Variants in ITPR1 observed in about 807,000 individuals in gnomAD.
ITPR1 encodes inositol 1,4,5-trisphosphate receptor type 1.
A neutral mutation model predicts 318.4 loss-of-function variants in ITPR1; 96 were observed. The ratio of observed to expected loss-of-function variants is 0.30; its 90% CI spans 0.26 to 0.36. The LOEUF (loss-of-function observed/expected upper bound fraction) is 0.36. Among genes scored for constraint, ITPR1 ranks in the 10% least tolerant of loss-of-function variants. The probability of loss-of-function intolerance (pLI) is 1.00; values close to 1 mark genes in which losing one functional copy is unlikely to be tolerated. For missense variants in ITPR1, 2,440 were observed against 3,460.2 expected (o/e 0.71, Z 7.40); for synonymous variants, 1,312 against 1,289.9 (o/e 1.02, Z -0.37).
At chr3:4,662,961 G>A in intron 15 of ITPR1, 104 bp from the exon 16 acceptor site, 1 of 921,970 alleles carries the variant, frequency 1.1e-6, no homozygotes. Flanking sequence ...GTGTGGGTCT[G>A]CCCCTGTTTA....
rs897244116 is a variant in ITPR1 at position 4,811,192 on chromosome 3, A to T, written c.7273-73A>T. ...AAGAGGGCAAACTCTCTATAAACCA[A>T]GTTTGCATTATGGGATAGTGATGTA... On this transcript the variant is annotated intron_variant, in intron 55 of 61. Transcript: ENST00000649015. 7.2e-6 allele frequency: 8 copies of T among 1,111,102 alleles called. No individual in the cohort carries two copies. The African/African-American group carries it at 1.3e-4, about 18-fold the overall frequency. 68.8% of individuals were successfully genotyped at this position (1,111,102 alleles called of 1,614,324 possible). A position where few individuals can be genotyped will look rare whatever the true frequency, so the allele number is the denominator to read the frequency against.
intron 40 of ITPR1, among the ~76,000 whole-genome samples, chr3:4,722,273 T>C (rs1319038494): frequency 2.6e-5 from 4 of 152,188 alleles, no homozygotes; most frequent in Non-Finnish European, 4.4e-5. Context: ...GGTTTCTCAG[T>C]TCAAAACCAG....
At chr3:4,807,594 A>T (rs1461072726) in intron 55 of ITPR1, among the ~76,000 whole-genome samples, 19 of 152,164 alleles carry the variant, frequency 1.2e-4, no homozygotes. Flanking sequence ...CCCCCGTCCA[A>T]AACACCATAA....
At position 4,652,224 on chromosome 3, in the gene ITPR1, T is replaced by A; in HGVS notation, c.951+6T>A. On this transcript the variant is annotated splice_donor_region_variant and intron_variant, in intron 11 of 61. Coordinates refer to ENST00000649015, the MANE Select transcript of ITPR1 (RefSeq NM_001378452.1). Reference sequence around the variant, plus strand: ...GGCATTACTTGGCAGCAGAGGTAAGTAGCAGCTCCTGTGGTTTTCTCTTTC... The same window carrying A: ...GGCATTACTTGGCAGCAGAGGTAAGAAGCAGCTCCTGTGGTTTTCTCTTTC... 1 of 1,602,440 alleles carries A rather than the reference T, an allele frequency of 6.2e-7. No individual in the cohort carries two copies. The highest frequency in any genetic ancestry group is 1.1e-5 in the South Asian group (1 of 89,384).
chr3:4,676,195 AT>A (rs1467281559), intron 23 of ITPR1, among the ~76,000 whole-genome samples: 1 of 147,836 alleles, frequency 6.8e-6, no homozygotes, highest in African/African-American at 2.5e-5. Flanking sequence ...AAAAAAAAAA[AT>A]TAGCTGGGTG....
chr3:4,566,054 C>T (rs2087217422), intron 4 of ITPR1, among the ~76,000 whole-genome samples: 1 of 152,152 alleles, frequency 6.6e-6, no homozygotes, highest in Non-Finnish European at 1.5e-5. Flanking sequence ...AGCCAAATCC[C>T]TGTACAACGA....
intron 39 of ITPR1, among the ~76,000 whole-genome samples, chr3:4,712,844 G>A (rs552715521): frequency 1.3e-5 from 2 of 152,312 alleles, no homozygotes; most frequent in South Asian, 4.1e-4. Context: ...TTTATACCAC[G>A]GGGCATAATC....
At chr3:4,567,790 G>C (rs571141628) in intron 4 of ITPR1, among the ~76,000 whole-genome samples, 120 of 152,210 alleles carry the variant, frequency 7.9e-4, no homozygotes, top group African/African-American at 2.8e-3. Flanking sequence ...TTTTAGTAGA[G>C]ATGGGATTTC....
chr3:4,744,317 C>G (rs1488485544), intron 44 of ITPR1, among the ~76,000 whole-genome samples: 1 of 152,238 alleles, frequency 6.6e-6, no homozygotes, highest in Non-Finnish European at 1.5e-5. Context: ...TTATTTCTTT[C>G]TCTTCCTTCT....
At chr3:4,574,944 G>A (rs1444315876) in intron 4 of ITPR1, among the ~76,000 whole-genome samples, 1 of 152,240 alleles carries the variant, frequency 6.6e-6, no homozygotes, top group Non-Finnish European at 1.5e-5. Flanking sequence ...GATTGCAAAT[G>A]CAGTGTGAGG....
At chr3:4,695,710 T>C (rs1258823566) in intron 33 of ITPR1, among the ~76,000 whole-genome samples, 2 of 152,264 alleles carry the variant, frequency 1.3e-5, no homozygotes, top group African/African-American at 4.8e-5. Context: ...AGTTCAGTTC[T>C]GTGTTGTTAA....
intron 4 of ITPR1, among the ~76,000 whole-genome samples, chr3:4,568,775 G>A (rs931934170): frequency 6.6e-6 from 1 of 152,046 alleles, no homozygotes; most frequent in African/African-American, 2.4e-5. Context: ...GTTGATGAGG[G>A]CTCTATGAGT....
At chr3:4,720,796 A>AGG (rs34134281) in intron 40 of ITPR1, among the ~76,000 whole-genome samples, 13 of 150,342 alleles carry the variant, frequency 8.6e-5, no homozygotes, top group Middle Eastern at 3.4e-3. Flanking sequence ...AATTCGAGGT[A>AGG]GAGGGGGAAA....
In ITPR1 at chr3:4,820,754, G is replaced by A. The variant is rs530811171; in HGVS notation, c.8028+2512G>A. On this transcript the variant is annotated intron_variant, in intron 60 of 61. Transcript: ENST00000649015. The stretch of plus-strand genomic sequence containing the variant: ...GGCTCAGAGAAGCGTCAGATCTACC[G>A]CTAAACGGTGGTGCCTTCTCGCCTG... Among the ~76,000 whole-genome samples, 71 of 152,364 alleles carry A rather than the reference G, an allele frequency of 4.7e-4. 1 individual carries two copies. Among genetic ancestry groups the A allele is most frequent in the Admixed American group, 2.4e-3 (36 of 15,306 alleles).
At chr3:4,641,118 G>A (rs2093327684) in intron 6 of ITPR1, among the ~76,000 whole-genome samples, 2 of 152,154 alleles carry the variant, frequency 1.3e-5, no homozygotes, top group African/African-American at 4.8e-5. Context: ...GGAGTCTTTT[G>A]CTGGTTGTAC....
chr3:4,617,813 A>G (rs1258571951), intron 4 of ITPR1, among the ~76,000 whole-genome samples: 3 of 141,026 alleles, frequency 2.1e-5, no homozygotes, highest in Non-Finnish European at 4.6e-5. Flanking sequence ...GCGAAACCTT[A>G]TTTCTATTAA....
chr3:4,825,462 A>C (rs945367340), intron 60 of ITPR1, among the ~76,000 whole-genome samples: 1 of 152,214 alleles, frequency 6.6e-6, no homozygotes, highest in African/African-American at 2.4e-5. Flanking sequence ...AAAAAGTAAC[A>C]TGCAAAAGAG....
chr3:4,774,857 C>T (rs2046391827), intron 46 of ITPR1, among the ~76,000 whole-genome samples: 1 of 152,220 alleles, frequency 6.6e-6, no homozygotes, highest in Non-Finnish European at 1.5e-5. Context: ...AAACCATCAT[C>T]TTTAAACAAA....
intron 4 of ITPR1, among the ~76,000 whole-genome samples, chr3:4,605,499 T>A (rs1312841712): frequency 1.3e-5 from 2 of 152,114 alleles, no homozygotes; most frequent in Non-Finnish European, 2.9e-5. Context: ...AGTGCTGGGG[T>A]CATATCAGAG....
Sources: allele counts gnomAD v4.1 joint callset (sites outside exome capture counted in the v4.1 genomes callset), GRCh38; gene constraint gnomAD v4.1.1; transcripts MANE v1.5; gene names NCBI Gene and HGNC (gene_info 2026-07-23, HGNC 2026-07-21).